Variants in ARHGAP44 observed in about 807,000 individuals in gnomAD.
ARHGAP44 encodes Rho GTPase activating protein 44.
Under a neutral mutation model 106.8 loss-of-function variants are expected in ARHGAP44, and 43 were observed. The ratio of observed to expected loss-of-function variants is 0.40; its 90% CI spans 0.32 to 0.52. The LOEUF (loss-of-function observed/expected upper bound fraction) is 0.52, where lower values mean the gene tolerates loss of function less well. ARHGAP44 is among the 20% of genes least tolerant of loss of function. The pLI is 0.48. For synonymous variants in ARHGAP44, 439 were observed against 410.3 expected (o/e 1.07, Z -0.85); for missense variants, 866 against 1,050.5 (o/e 0.82, Z 2.43).
chr17:12,893,717 G>A (rs1388197821), intron 1 of ARHGAP44, among the ~76,000 whole-genome samples: 2 of 152,196 alleles, frequency 1.3e-5, no homozygotes, highest in African/African-American at 2.4e-5. Context: ...CTTTTCTGTG[G>A]TGTTGGCTGC....
At chr17:12,822,864 G>C (rs2034810901) in intron 1 of ARHGAP44, among the ~76,000 whole-genome samples, 1 of 152,176 alleles carries the variant, frequency 6.6e-6, no homozygotes, top group South Asian at 2.1e-4. Flanking sequence ...AAGAAGTGTT[G>C]CACAGCTTGC....
At chr17:12,939,437 G>A (rs2079559) in intron 7 of ARHGAP44, among the ~76,000 whole-genome samples, 109,170 of 151,958 alleles carry the variant, frequency 0.72, 39,385 homozygotes, top group Admixed American at 0.77. Context: ...CTGGCATCTA[G>A]ACCCAGTGAA....
At position 12,929,065 on chromosome 17, in the gene ARHGAP44, CCT is replaced by C. The variant is rs1321263862; in HGVS notation, c.582+24_582+25del. On this transcript the variant is annotated intron_variant, in intron 7 of 20. Transcript: ENST00000379672. The stretch of plus-strand genomic sequence containing the variant: ...TTGCAGGGTACCTGCCCTCTTTGCT[CCT>C]CTCTACTGGGACAGGCTGGGGAGCC... 6.3e-7 allele frequency: 1 copy of C among 1,596,400 alleles called. No individual in the cohort carries two copies.
At chr17:12,966,579 C>G (rs1401653842) in intron 16 of ARHGAP44, among the ~76,000 whole-genome samples, 2 of 152,226 alleles carry the variant, frequency 1.3e-5, no homozygotes, top group Admixed American at 1.3e-4. Flanking sequence ...CTCACCTTTG[C>G]TGTCCGGGAC....
chr17:12,990,065 T>G lies in ARHGAP44; in HGVS notation c.2351T>G (p.Ile784Arg). The change falls in exon 21 of 21, where the codon ATA (isoleucine) becomes AGA (arginine). Residue 784 changes from isoleucine (I) to arginine (R), a missense_variant. Physicochemically the swap from Ile to Arg is moderately conservative, Grantham distance 97 (BLOSUM62 -3). Coordinates refer to ENST00000379672, the MANE Select transcript of ARHGAP44 (RefSeq NM_014859.6). ...CACTTTGATATTCCCTCGATCCACA[T>G]AGAGCTCGGGTCGACGCTCCGCCTG... ...LVHFDIPSIHIELGSTLRLSP... is the reference protein window; with the variant it reads ...LVHFDIPSIHRELGSTLRLSP... 6.2e-7 allele frequency: 1 copy of G among 1,612,152 alleles called. No individual in the cohort carries two copies.
chr17:12,943,493 A>G (rs2038759647), intron 8 of ARHGAP44, 95 bp from the exon 9 acceptor site: 6 of 1,115,198 alleles, frequency 5.4e-6, no homozygotes, highest in South Asian at 4.0e-5. Flanking sequence ...CTCCTTCCGC[A>G]TGTGGAAGCA....
intron 6 of ARHGAP44, 45 bp from the exon 7 acceptor site, chr17:12,928,884 G>A (rs1245268064): frequency 1.3e-6 from 2 of 1,529,076 alleles, no homozygotes; most frequent in East Asian, 4.7e-5. Context: ...GGGATCCCCA[G>A]GGCTCTACCT....
intron 5 of ARHGAP44, among the ~76,000 whole-genome samples, chr17:12,916,878 C>T (rs932535023): frequency 2.0e-5 from 3 of 152,214 alleles, no homozygotes; most frequent in East Asian, 1.9e-4. Flanking sequence ...TTTAATTCGT[C>T]ATCTGTTAAT....
intron 6 of ARHGAP44, among the ~76,000 whole-genome samples, chr17:12,926,586 AAG>A (rs2038254834): frequency 6.7e-6 from 1 of 148,510 alleles, no homozygotes; most frequent in African/African-American, 2.5e-5. Context: ...TTCTTATAAA[AAG>A]GGGAAATGTA....
intron 20 of ARHGAP44, chr17:12,986,930 G>T: frequency 1.6e-6 from 1 of 615,418 alleles, no homozygotes; most frequent in South Asian, 2.1e-5. Context: ...GCAGCAGACT[G>T]TTGTTTTGTC....
At chr17:12,905,158 C>T (rs564073955) in intron 3 of ARHGAP44, among the ~76,000 whole-genome samples, 5 of 151,618 alleles carry the variant, frequency 3.3e-5, no homozygotes, top group Non-Finnish European at 5.9e-5. Flanking sequence ...ATGATCTGCC[C>T]GCCTCAGCCT....
In ARHGAP44 at chr17:12,955,976, G is replaced by T. The variant is rs775191516; in HGVS notation, c.1246G>T (p.Glu416Ter). 6.2e-7 allele frequency: 1 copy of T among 1,610,798 alleles called. No homozygotes were observed. Among genetic ancestry groups the T allele is most frequent in the Non-Finnish European group, 8.5e-7 (1 of 1,177,472 alleles). ...LGPNLLWPQA[E>*]GNITEMMTTV... The stretch of plus-strand genomic sequence containing the variant: ...ACCCAACCTCCTATGGCCACAAGCA[G>T]AAGGGTAAGTACAGGGCGGAGAAGT... The change falls in exon 14 of 21, where the codon GAA (glutamate) becomes TAA (stop). Residue 416 changes from glutamate (E) to a stop codon, truncating the protein, a stop_gained. Transcript: ENST00000379672. LOFTEE classifies it high-confidence loss of function.
intron 1 of ARHGAP44, among the ~76,000 whole-genome samples, chr17:12,850,005 A>G (rs929237564): frequency 6.6e-6 from 1 of 152,172 alleles, no homozygotes; most frequent in East Asian, 1.9e-4. Flanking sequence ...CTTATGCTTC[A>G]CTTTAAGGGC....
intron 1 of ARHGAP44, among the ~76,000 whole-genome samples, chr17:12,853,224 G>T (rs1238978185): frequency 6.6e-6 from 1 of 152,198 alleles, no homozygotes; most frequent in Non-Finnish European, 1.5e-5. Flanking sequence ...GATGTTCGAG[G>T]GCAGGAAGCC....
At chr17:12,873,951 A>AAATG (rs1296875833) in intron 1 of ARHGAP44, among the ~76,000 whole-genome samples, 5 of 126,048 alleles carry the variant, frequency 4.0e-5, no homozygotes, top group African/African-American at 1.7e-4. Flanking sequence ...ATAAATAAAT[A>AAATG]AAAGAAAGAA....
intron 16 of ARHGAP44, among the ~76,000 whole-genome samples, chr17:12,967,167 C>T (rs978669176): frequency 1.0e-4 from 15 of 149,494 alleles, no homozygotes; most frequent in Non-Finnish European, 1.5e-4. Context: ...GGTCTCCATC[C>T]AGGGTGTGTC....
chr17:12,971,532 C>T (rs1299543830), intron 16 of ARHGAP44, among the ~76,000 whole-genome samples: 1 of 152,162 alleles, frequency 6.6e-6, no homozygotes, highest in Non-Finnish European at 1.5e-5. Flanking sequence ...ATGTTAAGCT[C>T]TTTGTTCTTT....
chr17:12,965,398 T>C (rs546968502), intron 16 of ARHGAP44, among the ~76,000 whole-genome samples: 1 of 152,338 alleles, frequency 6.6e-6, no homozygotes, highest in African/African-American at 2.4e-5. Flanking sequence ...GAGCTCTGTT[T>C]AGTGGGTGAC....
rs1157325814 is a variant in ARHGAP44, at chr17:12,978,036, C to CAAAAAAAAAA, written c.1764-2011_1764-2002dup. 8.3e-4 allele frequency among the ~76,000 whole-genome samples: 74 copies of CAAAAAAAAAA among 89,276 alleles called. 3 individuals are homozygous for CAAAAAAAAAA. The South Asian group carries it at 8.4e-3, about 10-fold the overall frequency. 58.6% of individuals were successfully genotyped at this position (89,276 alleles called of 152,430 possible). A position where few individuals can be genotyped will look rare whatever the true frequency, so the allele number is the denominator to read the frequency against. Reference sequence around the variant, plus strand: ...TGGGCAACAGAGCAAGACTCCATCTCAAAAAAAAAAAAAAAAAAAAGTGTG... The same window carrying CAAAAAAAAAA: ...TGGGCAACAGAGCAAGACTCCATCTCAAAAAAAAAAAAAAAAAAAAAAAAAAAAAAGTGTG... On this transcript the variant is annotated intron_variant, in intron 18 of 20. Transcript: ENST00000379672.
Sources: allele counts gnomAD v4.1 joint callset (sites outside exome capture counted in the v4.1 genomes callset), GRCh38; gene constraint gnomAD v4.1.1; transcripts MANE v1.5; gene names NCBI Gene and HGNC (gene_info 2026-07-23, HGNC 2026-07-21).